The following MAPK10 variants were observed in gnomAD, a reference collection of about 807,000 sequenced individuals.
MAPK10 encodes the protein mitogen-activated protein kinase 10, also known as JNK3 alpha protein kinase.
MAPK10 carries 25 observed loss-of-function variants against 59.3 expected under a neutral mutation model. That is an observed-to-expected ratio of 0.42 (90% CI 0.31 to 0.59). The LOEUF is 0.59. MAPK10 is among the 20% of genes least tolerant of loss of function. MAPK10 has a pLI of 0.15. For synonymous variants in MAPK10, 190 were observed against 200.5 expected (o/e 0.95, Z 0.44); for missense variants, 351 against 568.9 (o/e 0.62, Z 3.90).
At chr4:86,281,862 T>C (rs897295331) in intron 2 of MAPK10, among the ~76,000 whole-genome samples, 1 of 151,886 alleles carries the variant, frequency 6.6e-6, no homozygotes, top group Non-Finnish European at 1.5e-5. Context: ...AAAAAAAAAA[T>C]GGCTCATAGT....
At chr4:86,043,309 C>T (rs1207785474) in intron 11 of MAPK10, among the ~76,000 whole-genome samples, 2 of 152,138 alleles carry the variant, frequency 1.3e-5, no homozygotes, top group Non-Finnish European at 2.9e-5. Flanking sequence ...GGTGTGCTGC[C>T]ACCACAGAAA....
chr4:86,521,817 C>T (rs897713595), intron 1 of MAPK10, among the ~76,000 whole-genome samples: 1 of 152,162 alleles, frequency 6.6e-6, no homozygotes, highest in Non-Finnish European at 1.5e-5. Flanking sequence ...CGGCACTTCC[C>T]ATTCACCATC....
intron 1 of MAPK10, among the ~76,000 whole-genome samples, chr4:86,411,370 T>C (rs1745148967): frequency 6.6e-6 from 1 of 152,222 alleles, no homozygotes; most frequent in Non-Finnish European, 1.5e-5. Flanking sequence ...GAGAAGAATG[T>C]ATACTCTGTT....
chr4:86,351,721 A>G (rs1564640140), intron 2 of MAPK10, among the ~76,000 whole-genome samples: 1 of 151,954 alleles, frequency 6.6e-6, no homozygotes, highest in Non-Finnish European at 1.5e-5. Context: ...TTCCTTAACT[A>G]TGTGATTGTC....
At chr4:86,113,500 C>A (rs549477421) in intron 4 of MAPK10, among the ~76,000 whole-genome samples, 1 of 152,134 alleles carries the variant, frequency 6.6e-6, no homozygotes, top group Non-Finnish European at 1.5e-5. Flanking sequence ...ATATGAAATT[C>A]TGGGTTGGAA....
At chr4:86,554,217 C>T (rs1178255919) in intron 1 of MAPK10, among the ~76,000 whole-genome samples, 1 of 152,112 alleles carries the variant, frequency 6.6e-6, no homozygotes, top group Non-Finnish European at 1.5e-5. Flanking sequence ...GCTGATTCTT[C>T]CAGGGTTTCA....
chr4:86,168,268 A>G (rs1354934745), intron 3 of MAPK10, among the ~76,000 whole-genome samples: 1 of 152,210 alleles, frequency 6.6e-6, no homozygotes, highest in East Asian at 1.9e-4. Flanking sequence ...GCATTGCCTC[A>G]CTCGGGAAGT....
upstream of MAPK10, chr4:86,360,162 A>G: frequency 1.0e-6 from 1 of 986,026 alleles, no homozygotes; most frequent in South Asian, 4.7e-5. Context: ...GAGGGGGATG[A>G]GGGGGAAACA....
In MAPK10 at chr4:86,475,736, G is replaced by A. The variant is rs201022864; in HGVS notation, c.-263+118174C>T. 9.2e-5 allele frequency among the ~76,000 whole-genome samples: 14 copies of A among 151,856 alleles called. No individual in the cohort carries two copies. The East Asian group carries it at 1.9e-3, about 21-fold the overall frequency. On this transcript the variant is annotated intron_variant, in intron 1 of 4. Coordinates refer to the MAPK10 transcript ENST00000502302. ...TCCCAACCCCTTCTTCACCCTTAGC[G>A]GCAAGTACCGCTTTTCTAGGGGGCA...
intron 2 of MAPK10, among the ~76,000 whole-genome samples, chr4:86,243,489 C>T (rs963912762): frequency 6.6e-6 from 1 of 152,130 alleles, no homozygotes; most frequent in South Asian, 2.1e-4. Flanking sequence ...TACAATCTAG[C>T]GACCTCTCAG....
intron 1 of MAPK10, among the ~76,000 whole-genome samples, chr4:86,539,037 T>C (rs1758468727): frequency 6.6e-6 from 1 of 152,172 alleles, no homozygotes; most frequent in Non-Finnish European, 1.5e-5. Context: ...TGAAAATCAA[T>C]CCCCATCAGT....
At chr4:86,135,108 G>A (rs1355980565) in intron 4 of MAPK10, among the ~76,000 whole-genome samples, 1 of 152,224 alleles carries the variant, frequency 6.6e-6, no homozygotes, top group Non-Finnish European at 1.5e-5. Flanking sequence ...GAGGCTGGGG[G>A]AGGGGCGCCC....
chr4:86,247,652 TG>T, intron 2 of MAPK10, among the ~76,000 whole-genome samples: 1 of 73,294 alleles, frequency 1.4e-5, no homozygotes, highest in Non-Finnish European at 2.4e-5. Flanking sequence ...TGTGTAGTTG[TG>T]TGTGTGTGTG....
intron 1 of MAPK10, among the ~76,000 whole-genome samples, chr4:86,539,888 A>G (rs1425108148): frequency 6.6e-6 from 1 of 152,230 alleles, no homozygotes; most frequent in Non-Finnish European, 1.5e-5. Flanking sequence ...TAAATATTCA[A>G]TCATAGGAGG....
chr4:86,205,038 A>G (rs548517693), intron 2 of MAPK10, among the ~76,000 whole-genome samples: 1 of 152,040 alleles, frequency 6.6e-6, no homozygotes, highest in Non-Finnish European at 1.5e-5. Flanking sequence ...GTGAGAAGTC[A>G]GTGACTATTA....
At chr4:86,181,664 T>C (rs564849975) in intron 3 of MAPK10, among the ~76,000 whole-genome samples, 1 of 152,222 alleles carries the variant, frequency 6.6e-6, no homozygotes, top group African/African-American at 2.4e-5. Context: ...CCCTCTTTCA[T>C]TGAATATTTT....
At chr4:86,323,639 T>C (rs1445298548) in intron 2 of MAPK10, among the ~76,000 whole-genome samples, 1 of 152,146 alleles carries the variant, frequency 6.6e-6, no homozygotes, top group Non-Finnish European at 1.5e-5. Flanking sequence ...AAACTAAAGA[T>C]ACACAAAGTT....
chr4:86,361,878 T>C (rs1173851169), upstream of MAPK10, among the ~76,000 whole-genome samples: 2 of 152,122 alleles, frequency 1.3e-5, no homozygotes, highest in African/African-American at 4.8e-5. Context: ...TACCAGTGGC[T>C]GGAGGACGGA....
intron 9 of MAPK10, among the ~76,000 whole-genome samples, chr4:86,092,478 C>T (rs1371153251): frequency 1.3e-5 from 2 of 151,940 alleles, no homozygotes; most frequent in African/African-American, 4.8e-5. Context: ...GCCATCTCCA[C>T]TAACAGAAAA....
Sources: allele counts gnomAD v4.1 joint callset (sites outside exome capture counted in the v4.1 genomes callset), GRCh38; gene constraint gnomAD v4.1.1; transcripts MANE v1.5; gene names NCBI Gene and HGNC (gene_info 2026-07-23, HGNC 2026-07-21).